Variants in SPATA17 observed in about 807,000 individuals in gnomAD.
SPATA17 encodes spermatogenesis-associated protein 17.
SPATA17 carries 53 observed loss-of-function variants against 62.2 expected under a neutral mutation model. That is an observed-to-expected ratio of 0.85 (90% CI 0.68 to 1.07). The LOEUF is 1.07. Ranked by LOEUF, SPATA17 falls within the 50% of genes least tolerant of loss-of-function variation. The pLI, the probability that SPATA17 is intolerant of heterozygous loss-of-function variation, is 0.00. For synonymous variants in SPATA17, 146 were observed against 146.8 expected, an observed-to-expected ratio of 0.99 and a Z score of 0.04; for missense variants, 466 against 425.5, an observed-to-expected ratio of 1.10 and a Z score of -0.84.
At chr1:217,838,538 T>C (rs764856820) in intron 9 of SPATA17, among the ~76,000 whole-genome samples, 4 of 152,102 alleles carry the variant, frequency 2.6e-5, no homozygotes, top group Non-Finnish European at 5.9e-5. Flanking sequence ...TAACTAATAG[T>C]AAATCCAAAT....
At chr1:217,642,872 T>C (rs1248850035) in intron 1 of SPATA17, among the ~76,000 whole-genome samples, 1 of 152,216 alleles carries the variant, frequency 6.6e-6, no homozygotes, top group Non-Finnish European at 1.5e-5. Context: ...TTGTGTAGTA[T>C]CTTTATAGCA....
chr1:217,820,663 A>G (rs1047830797), intron 9 of SPATA17, among the ~76,000 whole-genome samples: 4 of 152,054 alleles, frequency 2.6e-5, no homozygotes, highest in Non-Finnish European at 5.9e-5. Context: ...AACTCATCCA[A>G]TTAGATATGT....
At chr1:217,819,362 G>A (rs4556426) in intron 9 of SPATA17, among the ~76,000 whole-genome samples, 10,917 of 151,712 alleles carry the variant, frequency 0.072, 449 homozygotes, top group East Asian at 0.14. Flanking sequence ...ATTCCTGCAG[G>A]ATCCTTTTTT....
At chr1:217,633,050 C>G (rs1669851571) in intron 1 of SPATA17, among the ~76,000 whole-genome samples, 1 of 152,044 alleles carries the variant, frequency 6.6e-6, no homozygotes, top group Non-Finnish European at 1.5e-5. Flanking sequence ...TTACAAAAAT[C>G]AGCCAGGCAT....
At chr1:217,673,843 A>G (rs1670886322) in intron 4 of SPATA17, among the ~76,000 whole-genome samples, 1 of 152,098 alleles carries the variant, frequency 6.6e-6, no homozygotes, top group African/African-American at 2.4e-5. Context: ...AAAAGAGTAG[A>G]GGTTCGTGGA....
In SPATA17 at chr1:217,801,754, G is replaced by T. The variant is rs1416589590; in HGVS notation, c.909G>T (p.Lys303Asn). 3 of 1,608,810 alleles carry T rather than the reference G, an allele frequency of 1.9e-6. No homozygotes were observed. Among genetic ancestry groups the T allele is most frequent in the African/African-American group, 1.3e-5 (1 of 74,632 alleles). Residue 303 changes from lysine to asparagine, a missense_variant, in exon 9 of 11, where the codon AAG (lysine) becomes AAT (asparagine). Physicochemically the swap from Lys to Asn is moderately conservative, Grantham distance 94. Coordinates refer to ENST00000366933, the MANE Select transcript of SPATA17 (RefSeq NM_138796.4). The part of the protein sequence containing the change: ...LPFSSYHKNE[K>N]YIPSMHLSSK... ...TTTCTTCATACCATAAAAATGAAAA[G>T]TACATCCCATCAATGCATTTATCAA...
chr1:217,690,270 T>A (rs1351848827), intron 5 of SPATA17, among the ~76,000 whole-genome samples: 1 of 152,070 alleles, frequency 6.6e-6, no homozygotes, highest in Non-Finnish European at 1.5e-5. Flanking sequence ...CTCCAATATC[T>A]ACCTTACATT....
rs75061757 is a variant in SPATA17, at chr1:217,732,521, T to C, written c.396-9454T>C. 8.1e-3 allele frequency among the ~76,000 whole-genome samples: 1,239 copies of C among 152,254 alleles called. 9 individuals carry two copies. The highest frequency in any genetic ancestry group is 0.027 in the African/African-American group (1,110 of 41,544). On this transcript the variant is annotated intron_variant, in intron 5 of 10. Coordinates refer to ENST00000366933, the MANE Select transcript of SPATA17 (RefSeq NM_138796.4). ...AAATGGGAACTGTAGCTACCTCAAT[T>C]CTGAACTCTACCCAAAACATAAATT...
intron 5 of SPATA17, among the ~76,000 whole-genome samples, chr1:217,715,771 C>G (rs981325150): frequency 1.3e-5 from 2 of 151,714 alleles, no homozygotes; most frequent in African/African-American, 4.8e-5. Flanking sequence ...TTCTCAGTTT[C>G]GTTCTCTTTG....
At chr1:217,678,486 G>GCA (rs1671005317) in intron 4 of SPATA17, among the ~76,000 whole-genome samples, 3 of 151,828 alleles carry the variant, frequency 2.0e-5, no homozygotes, top group African/African-American at 7.3e-5. Flanking sequence ...GGGATTACAG[G>GCA]CATGAGCCAC....
chr1:217,773,506 T>G (rs1673507046), intron 6 of SPATA17, among the ~76,000 whole-genome samples: 1 of 152,144 alleles, frequency 6.6e-6, no homozygotes, highest in Non-Finnish European at 1.5e-5. Flanking sequence ...CATCAAAATT[T>G]CGTTCTATGC....
At chr1:217,641,562 A>C (rs2102877357) in intron 1 of SPATA17, among the ~76,000 whole-genome samples, 1 of 152,292 alleles carries the variant, frequency 6.6e-6, no homozygotes, top group South Asian at 2.1e-4. Flanking sequence ...AAAAGAAGCA[A>C]AATAAATGTT....
At chr1:217,714,443 T>G (rs1243209464) in intron 5 of SPATA17, among the ~76,000 whole-genome samples, 1 of 150,916 alleles carries the variant, frequency 6.6e-6, no homozygotes, top group Non-Finnish European at 1.5e-5. Flanking sequence ...AGGAAAAAAT[T>G]CAGGACAAAT....
intron 5 of SPATA17, among the ~76,000 whole-genome samples, chr1:217,722,060 A>T (rs1364588634): frequency 1.3e-5 from 2 of 152,076 alleles, no homozygotes; most frequent in Non-Finnish European, 2.9e-5. Flanking sequence ...CTCCTCTTCC[A>T]TCCCTTCTAT....
intron 6 of SPATA17, among the ~76,000 whole-genome samples, chr1:217,749,199 C>T (rs1672840145): frequency 6.6e-6 from 1 of 152,094 alleles, no homozygotes; most frequent in South Asian, 2.1e-4. Flanking sequence ...CCTCTTAGAC[C>T]TTATCTCATA....
chr1:217,639,278 A>G (rs753047293), intron 1 of SPATA17, among the ~76,000 whole-genome samples: 1 of 152,172 alleles, frequency 6.6e-6, no homozygotes, highest in Admixed American at 6.5e-5. Context: ...AACCCAAAAG[A>G]CACAAAAACA....
At chr1:217,634,353 G>A (rs998712388) in intron 1 of SPATA17, among the ~76,000 whole-genome samples, 4 of 152,152 alleles carry the variant, frequency 2.6e-5, no homozygotes, top group Admixed American at 6.5e-5. Context: ...TTAGTGTGAG[G>A]CCAGTGAGTC....
At chr1:217,844,797 A>C (rs1002371031) in intron 9 of SPATA17, among the ~76,000 whole-genome samples, 2 of 152,134 alleles carry the variant, frequency 1.3e-5, no homozygotes, top group African/African-American at 4.8e-5. Flanking sequence ...TACCAGGTTC[A>C]CAACCTTTTT....
At chr1:217,669,595 T>A (rs987609443) in intron 4 of SPATA17, among the ~76,000 whole-genome samples, 5 of 152,204 alleles carry the variant, frequency 3.3e-5, no homozygotes. Context: ...TGAACTCGGT[T>A]TCTGCACTGA....
Sources: allele counts gnomAD v4.1 joint callset (sites outside exome capture counted in the v4.1 genomes callset), GRCh38; gene constraint gnomAD v4.1.1; transcripts MANE v1.5; gene names NCBI Gene and HGNC (gene_info 2026-07-23, HGNC 2026-07-21).